Variants in VGLL3 observed in about 807,000 individuals in gnomAD.
VGLL3 encodes transcription cofactor vestigial-like protein 3.
VGLL3 carries 18 observed loss-of-function variants against 29.2 expected under a neutral mutation model. The observed-to-expected ratio is 0.62, with a 90% confidence interval of 0.43 to 0.91. The LOEUF is 0.91. Ranked by LOEUF, VGLL3 falls within the 40% of genes least tolerant of loss-of-function variation. VGLL3 has a pLI of 0.00. For synonymous variants in VGLL3, 180 were observed against 151.8 expected (o/e 1.19, Z -1.36); for missense variants, 440 against 413.2 (o/e 1.06, Z -0.56).
At chr3:86,978,940 T>C in intron 1 of VGLL3, 138 bp from the exon 2 acceptor site, 1 of 955,172 alleles carries the variant, frequency 1.0e-6, no homozygotes, top group Non-Finnish European at 1.5e-6. Context: ...TCTGTTTTAC[T>C]CCATCTTTTT....
At chr3:86,963,467 G>T (rs2107001001) in intron 3 of VGLL3, among the ~76,000 whole-genome samples, 1 of 152,316 alleles carries the variant, frequency 6.6e-6, no homozygotes, top group Admixed American at 6.5e-5. Flanking sequence ...AAGAGGAATA[G>T]GAGTTCTTGT....
At chr3:86,955,380 C>CTTTTTTTTTT (rs67190879) in intron 3 of VGLL3, among the ~76,000 whole-genome samples, 1 of 131,708 alleles carries the variant, frequency 7.6e-6, no homozygotes, top group African/African-American at 2.9e-5. Flanking sequence ...CTCTCTCTCT[C>CTTTTTTTTTT]TTTTTTTTTT....
rs1705574688 is a variant in VGLL3, at chr3:86,990,980, C to T, written c.-237G>A. 2 of 1,018,086 alleles carry T rather than the reference C, an allele frequency of 2.0e-6. No homozygotes were observed. Among genetic ancestry groups the T allele is most frequent in the African/African-American group, 3.4e-5 (2 of 58,332 alleles). The allele number at this position is 1,018,086 out of a possible 1,614,324, so 63.1% of individuals were successfully genotyped here. A position where few individuals can be genotyped will look rare whatever the true frequency, so the allele number is the denominator to read the frequency against. On this transcript the variant is annotated 5_prime_UTR_variant, in exon 1 of 4. Coordinates refer to ENST00000398399, the MANE Select transcript of VGLL3 (RefSeq NM_016206.4). Reference sequence around the variant, plus strand: ...TCATCTTCAGCCCCTCCGGATGTTCCCTGCCGCGCTTATATAGCGGCTCAG... The same window carrying T: ...TCATCTTCAGCCCCTCCGGATGTTCTCTGCCGCGCTTATATAGCGGCTCAG...
chr3:86,947,111 A>T (rs777570645), intron 3 of VGLL3, 44 bp from the exon 4 acceptor site: 8 of 778,268 alleles, frequency 1.0e-5, no homozygotes, highest in South Asian at 5.4e-5. Context: ...ACATTAATAC[A>T]TATGGTACCA....
rs1274292871 is a variant in VGLL3, at chr3:86,942,376, T to C, written c.*4648A>G. 6.6e-6 allele frequency: 1 copy of C among 152,186 alleles called. No homozygotes were observed. The highest frequency in any genetic ancestry group is 1.5e-5 in the Non-Finnish European group (1 of 68,022). 9.4% of individuals were successfully genotyped at this position (152,186 alleles called of 1,614,324 possible). On this transcript the variant is annotated 3_prime_UTR_variant, in exon 4 of 4. Coordinates refer to ENST00000398399, the MANE Select transcript of VGLL3 (RefSeq NM_016206.4). Reference sequence around the variant, plus strand: ...CAATAACTGACACAGTGTCAACATCTGCTTCCAATAAGATTGTTTCTTTTT... The same window carrying C: ...CAATAACTGACACAGTGTCAACATCCGCTTCCAATAAGATTGTTTCTTTTT...
rs73151677 is a variant in VGLL3, at chr3:86,944,637, A to G, written c.*2387T>C. The G allele has an allele frequency of 0.03, 4,508 of 152,352 alleles. 80 individuals are homozygous for G. Among genetic ancestry groups the G allele is most frequent in the Non-Finnish European group, 0.046 (3,163 of 68,050 alleles). 9.4% of individuals were successfully genotyped at this position (152,352 alleles called of 1,614,324 possible). The stretch of plus-strand genomic sequence containing the variant: ...GGTTCCCAACATTTCTCAGTTCCTC[A>G]GAGCCAATAAACTTTTTGTCTGACA... On this transcript the variant is annotated 3_prime_UTR_variant, in exon 4 of 4. Transcript: ENST00000398399.
At chr3:86,955,322 T>A (rs1235626931) in intron 3 of VGLL3, among the ~76,000 whole-genome samples, 1 of 152,152 alleles carries the variant, frequency 6.6e-6, no homozygotes, top group African/African-American at 2.4e-5. Context: ...ATGAGATATG[T>A]TGCATATATA....
At chr3:86,978,480 G>A (rs200663160) in intron 2 of VGLL3, 46 bp downstream of exon 2, 112 of 1,588,532 alleles carry the variant, frequency 7.1e-5, no homozygotes, top group African/African-American at 5.8e-4. Flanking sequence ...AGGCAGTTGC[G>A]AAACAAAGAC....
chr3:86,951,734 C>T (rs1254651985), intron 3 of VGLL3, among the ~76,000 whole-genome samples: 2 of 150,702 alleles, frequency 1.3e-5, no homozygotes, highest in East Asian at 3.9e-4. Context: ...TTTTATCCCC[C>T]CCAAAAAATC....
chr3:86,955,784 A>G (rs1305658802), intron 3 of VGLL3, among the ~76,000 whole-genome samples: 1 of 152,210 alleles, frequency 6.6e-6, no homozygotes, highest in Non-Finnish European at 1.5e-5. Context: ...TAGGGCTTCA[A>G]TGATTATGAA....
At chr3:86,968,569 G>T in intron 3 of VGLL3, 21 bp downstream of exon 3, 2 of 1,588,560 alleles carry the variant, frequency 1.3e-6, no homozygotes, top group South Asian at 1.1e-5. Flanking sequence ...GTTATAGGAA[G>T]AAAGAAATCC....
intron 1 of VGLL3, among the ~76,000 whole-genome samples, chr3:86,983,614 G>A (rs1363208063): frequency 5.3e-5 from 8 of 152,006 alleles, no homozygotes; most frequent in Admixed American, 2.6e-4. Flanking sequence ...TCCAACTCCC[G>A]GCCTTAAGTG....
At chr3:86,964,658 G>A (rs184850424) in intron 3 of VGLL3, among the ~76,000 whole-genome samples, 17 of 152,206 alleles carry the variant, frequency 1.1e-4, no homozygotes, top group African/African-American at 3.1e-4. Flanking sequence ...TACTTTGCCC[G>A]TTTCACCACA....
chr3:86,980,422 T>C (rs903931732), intron 1 of VGLL3, among the ~76,000 whole-genome samples: 6 of 152,128 alleles, frequency 3.9e-5, no homozygotes, highest in African/African-American at 1.4e-4. Context: ...GGATGGTTAT[T>C]TATAAATATG....
In VGLL3 at chr3:86,968,710, G is replaced by A. The variant is rs370849407; in HGVS notation, c.817C>T (p.Pro273Ser). Reference sequence around the variant, plus strand: ...TTTGTGATGTCACACTGGGGAGCAGGAATCCTGGCCGCATGCACTGAAGGC... The same window carrying A: ...TTTGTGATGTCACACTGGGGAGCAGAAATCCTGGCCGCATGCACTGAAGGC... ...LMPSVHAARI[P>S]APQCDITKTE... Residue 273 changes from proline (P) to serine (S), a missense_variant, in exon 3 of 4, where the codon CCT becomes TCT. Pro to Ser is a moderately conservative substitution (Grantham distance 74, BLOSUM62 -1). Coordinates refer to ENST00000398399, the MANE Select transcript of VGLL3 (RefSeq NM_016206.4). 68 of 1,614,050 alleles carry A rather than the reference G, an allele frequency of 4.2e-5. 1 individual carries two copies. Among genetic ancestry groups the A allele is most frequent in the Middle Eastern group, 3.3e-4 (2 of 6,084 alleles).
intron 2 of VGLL3, among the ~76,000 whole-genome samples, chr3:86,973,750 G>C (rs772081019): frequency 6.6e-5 from 10 of 152,116 alleles, no homozygotes; most frequent in Non-Finnish European, 1.2e-4. Flanking sequence ...TGACTATTTA[G>C]GTTTCGTATT....
At chr3:86,987,348 T>C (rs1705468508) in intron 1 of VGLL3, among the ~76,000 whole-genome samples, 2 of 152,138 alleles carry the variant, frequency 1.3e-5, no homozygotes, top group African/African-American at 2.4e-5. Context: ...GGGCACTTAA[T>C]TTTTTCAAGT....
Position 86,940,551 on chromosome 3 carries a change from T to C in VGLL3, c.*6473A>G, listed in dbSNP as rs1031217231. 1.3e-5 allele frequency: 2 copies of C among 152,548 alleles called. No homozygotes were observed. Among genetic ancestry groups the C allele is most frequent in the Admixed American group, 1.3e-4 (2 of 15,268 alleles). 9.4% of individuals were successfully genotyped at this position (152,548 alleles called of 1,614,324 possible). A position where few individuals can be genotyped will look rare whatever the true frequency, so the allele number is the denominator to read the frequency against. ...TCCAAAATATTTATAAGATGCTTAA[T>C]TGAATAAGGAGGAAACAAAAAGAGC... On this transcript the variant is annotated 3_prime_UTR_variant, in exon 4 of 4. Transcript: ENST00000398399.
intron 2 of VGLL3, among the ~76,000 whole-genome samples, chr3:86,969,455 G>A (rs1478280995): frequency 6.6e-6 from 1 of 152,176 alleles, no homozygotes; most frequent in Non-Finnish European, 1.5e-5. Flanking sequence ...TTAGGCCTAA[G>A]AGGAGGTCAT....
Sources: gnomAD v4.1 joint callset for allele counts (sites outside exome capture counted in the v4.1 genomes callset) on GRCh38, gnomAD v4.1.1 for gene constraint, MANE v1.5 for transcripts, NCBI Gene and HGNC (gene_info 2026-07-23, HGNC 2026-07-21) for gene names.